STAG1: variants seen among roughly 807,000 people sequenced by gnomAD.
STAG1 encodes STAG1 cohesin complex component.
In STAG1, 26 loss-of-function variants were observed where a neutral mutation model predicts 170.9. The observed-to-expected ratio is 0.15, with a 90% CI of 0.11 to 0.21. STAG1 has a LOEUF of 0.21. Ranked by LOEUF, STAG1 falls within the 10% of genes least tolerant of loss-of-function variation. The pLI, the probability that STAG1 is intolerant of heterozygous loss-of-function variation, is 1.00. For synonymous variants in STAG1, 514 were observed against 497.7 expected (o/e 1.03, Z -0.44); for missense variants, 964 against 1,509.5 (o/e 0.64, Z 5.99).
chr3:136,593,909 C>T (rs1938304319), intron 4 of STAG1, among the ~76,000 whole-genome samples: 2 of 152,120 alleles, frequency 1.3e-5, no homozygotes, highest in African/African-American at 4.8e-5. Context: ...GTGTTCTCCC[C>T]ATCTTTGTCA....
chr3:136,648,701 T>G (rs1192371855), intron 1 of STAG1, among the ~76,000 whole-genome samples: 1 of 152,140 alleles, frequency 6.6e-6, no homozygotes, highest in Non-Finnish European at 1.5e-5. Flanking sequence ...TACCTACCCT[T>G]CTTCCCCTTC....
intron 1 of STAG1, among the ~76,000 whole-genome samples, chr3:136,712,666 G>T (rs1363359289): frequency 6.6e-6 from 1 of 152,210 alleles, no homozygotes; most frequent in Non-Finnish European, 1.5e-5. Flanking sequence ...ACATGCTGCT[G>T]TTGGAAGAAA....
rs562071133 is a variant in STAG1, at chr3:136,419,328, T to C, written c.2109-1356A>G. On this transcript the variant is annotated intron_variant, in intron 20 of 33. Transcript: ENST00000383202. Reference sequence around the variant, plus strand: ...GAAGTACTGATTAGTGCAAAAGCTATATTCAAACTCTCTTTGGACAACAAA... The same window carrying C: ...GAAGTACTGATTAGTGCAAAAGCTACATTCAAACTCTCTTTGGACAACAAA... 2.6e-5 allele frequency among the ~76,000 whole-genome samples: 4 copies of C among 152,330 alleles called. No homozygotes were observed. In the South Asian group the frequency reaches 8.3e-4, roughly 32 times the overall value.
intron 28 of STAG1, among the ~76,000 whole-genome samples, chr3:136,355,617 A>C (rs1255753915): frequency 1.3e-5 from 2 of 152,062 alleles, no homozygotes; most frequent in Non-Finnish European, 2.9e-5. Flanking sequence ...TCCAACCAAA[A>C]CCAGAATGGT....
rs916294850 is a variant in STAG1, at chr3:136,645,129, C to A, written c.-83-14148G>T. On this transcript the variant is annotated intron_variant, in intron 1 of 33. Coordinates refer to ENST00000383202, the MANE Select transcript of STAG1 (RefSeq NM_005862.3). ...TGATTCTGTATGTAGTTATCTGGGACAATTGATATTTTGCTTTTTAAGTCC... is the reference window on the plus strand; with the variant it reads ...TGATTCTGTATGTAGTTATCTGGGAAAATTGATATTTTGCTTTTTAAGTCC... Among the ~76,000 whole-genome samples the A allele has an allele frequency of 5.3e-5, 8 of 152,176 alleles. No homozygotes were observed. In the East Asian group the frequency reaches 1.5e-3, roughly 29 times the overall value.
rs1936111401 is a variant in STAG1, at chr3:136,343,975, C to G, written c.3303G>C (p.Arg1101Ser). 1.9e-6 allele frequency: 3 copies of G among 1,603,716 alleles called. No homozygotes were observed. ...DESLDNTWLN[R>S]TDTMIQTPGP... ...CAGGAGTCTGAATCATGGTGTCAGTCCTGTTTAGCCATGTGTTATCCAGAC... is the reference window on the plus strand; with the variant it reads ...CAGGAGTCTGAATCATGGTGTCAGTGCTGTTTAGCCATGTGTTATCCAGAC... Residue 1101 changes from arginine (R) to serine (S), a missense_variant, in exon 30 of 34, where the codon AGG (arginine) becomes AGC (serine). By Grantham distance (110) the Arg-to-Ser change is moderately radical. Around this residue, in one of 11 missense-constraint regions of STAG1, gnomAD observed 122 missense variants for 129.0 expected, o/e 0.95. Transcript: ENST00000383202.
intron 3 of STAG1, among the ~76,000 whole-genome samples, chr3:136,618,602 CG>C: frequency 6.6e-6 from 1 of 151,914 alleles, no homozygotes; most frequent in Non-Finnish European, 1.5e-5. Context: ...TAATAAAACA[CG>C]AGAGACTAAA....
At chr3:136,381,777 G>C (rs1353243168) in intron 22 of STAG1, among the ~76,000 whole-genome samples, 2 of 152,148 alleles carry the variant, frequency 1.3e-5, no homozygotes, top group Non-Finnish European at 2.9e-5. Context: ...CTAGCTATAT[G>C]ATCTCAGAAA....
intron 1 of STAG1, among the ~76,000 whole-genome samples, chr3:136,661,850 T>C (rs976105998): frequency 6.6e-6 from 1 of 152,190 alleles, no homozygotes. Context: ...GAGGCAGGTA[T>C]TATCATCCCC....
chr3:136,699,435 G>C (rs1441826822), intron 1 of STAG1, among the ~76,000 whole-genome samples: 1 of 151,910 alleles, frequency 6.6e-6, no homozygotes, highest in African/African-American at 2.4e-5. Flanking sequence ...CTGTCACCCA[G>C]GCTGGAATGC....
At chr3:136,360,770 G>A (rs1272394590) in intron 26 of STAG1, among the ~76,000 whole-genome samples, 1 of 151,996 alleles carries the variant, frequency 6.6e-6, no homozygotes, top group East Asian at 1.9e-4. Context: ...CTGGGTTCAT[G>A]TCATTCTCCT....
intron 6 of STAG1, among the ~76,000 whole-genome samples, chr3:136,526,906 T>C (rs1352229853): frequency 6.6e-6 from 1 of 152,240 alleles, no homozygotes; most frequent in African/African-American, 2.4e-5. Flanking sequence ...TCTTTAAGAA[T>C]GTTGAATGTT....
chr3:136,663,549 C>T (rs982570548), intron 1 of STAG1, among the ~76,000 whole-genome samples: 3 of 152,174 alleles, frequency 2.0e-5, no homozygotes, highest in Non-Finnish European at 2.9e-5. Context: ...GACAAGCAAT[C>T]ATGTTTTCAT....
intron 13 of STAG1, among the ~76,000 whole-genome samples, chr3:136,456,683 A>G (rs35375192): frequency 0.36 from 54,807 of 152,032 alleles, 10,926 homozygotes; most frequent in African/African-American, 0.52. Context: ...AATTCAACCC[A>G]AAGAGGAATT....
intron 4 of STAG1, among the ~76,000 whole-genome samples, chr3:136,582,526 C>T (rs558403973): frequency 4.7e-4 from 72 of 152,266 alleles, no homozygotes; most frequent in African/African-American, 1.6e-3. Flanking sequence ...AGGCTGGGCA[C>T]GGTGGCTCAC....
chr3:136,720,094 T>C (rs1433553481), intron 1 of STAG1, among the ~76,000 whole-genome samples: 1 of 150,670 alleles, frequency 6.6e-6, no homozygotes, highest in Non-Finnish European at 1.5e-5. Flanking sequence ...GAGAATCGCT[T>C]GAACTCGGGA....
intron 21 of STAG1, among the ~76,000 whole-genome samples, chr3:136,416,423 CG>C (rs1468554523): frequency 5.9e-5 from 9 of 152,116 alleles, no homozygotes; most frequent in Non-Finnish European, 1.2e-4. Context: ...ATAACAAAGA[CG>C]ACAACACTGT....
chr3:136,608,246 A>G (rs1248783558), intron 3 of STAG1, among the ~76,000 whole-genome samples: 1 of 151,304 alleles, frequency 6.6e-6, no homozygotes, highest in Non-Finnish European at 1.5e-5. Context: ...GCAACAGAGC[A>G]AGACTCCATC....
intron 5 of STAG1, 42 bp downstream of exon 5, chr3:136,568,723 C>G: frequency 7.0e-7 from 1 of 1,431,598 alleles, no homozygotes; most frequent in Non-Finnish European, 9.8e-7. Context: ...CACTGCTGGA[C>G]TGACAGGCTC....
Sources: gnomAD v4.1 joint callset for allele counts (sites outside exome capture counted in the v4.1 genomes callset) on GRCh38, gnomAD v4.1.1 for gene constraint, gnomAD v4.1.1 regional missense constraint, MANE v1.5 for transcripts, NCBI Gene and HGNC (gene_info 2026-07-23, HGNC 2026-07-21) for gene names.